The following CCSER1 variants were observed in gnomAD, a reference collection of about 807,000 sequenced individuals.
CCSER1 encodes serine-rich coiled-coil domain-containing protein 1.
A neutral mutation model predicts 82.0 loss-of-function variants in CCSER1; 41 were observed. That is an observed-to-expected ratio of 0.50 (90% CI 0.39 to 0.65). The LOEUF (loss-of-function observed/expected upper bound fraction) is 0.65, where lower values mean the gene tolerates loss of function less well. CCSER1 is among the 30% of genes least tolerant of loss of function. The pLI, the probability that CCSER1 is intolerant of heterozygous loss-of-function variation, is 0.00. For synonymous variants in CCSER1, 414 were observed against 383.9 expected, an observed-to-expected ratio of 1.08 and a Z score of -0.92; for missense variants, 1,119 against 1,064.2, an observed-to-expected ratio of 1.05 and a Z score of -0.72.
At chr4:90,167,022 ATCT>A (rs556150253) in intron 1 of CCSER1, among the ~76,000 whole-genome samples, 112 of 152,158 alleles carry the variant, frequency 7.4e-4, no homozygotes, top group African/African-American at 2.4e-3. Flanking sequence ...ATGTTATATC[ATCT>A]TCTTATGTGT....
intron 10 of CCSER1, among the ~76,000 whole-genome samples, chr4:91,340,098 C>CAG (rs964469893): frequency 1.3e-5 from 2 of 151,986 alleles, no homozygotes; most frequent in Non-Finnish European, 2.9e-5. Context: ...GCCTGGGCTA[C>CAG]AGAGAGAGAC....
intron 3 of CCSER1, among the ~76,000 whole-genome samples, chr4:90,368,677 C>T (rs1474675661): frequency 6.6e-6 from 1 of 151,710 alleles, no homozygotes; most frequent in Non-Finnish European, 1.5e-5. Flanking sequence ...CTCAATTAGG[C>T]CATTCCTGAT....
chr4:91,106,584 A>T (rs1420993095), intron 10 of CCSER1, among the ~76,000 whole-genome samples: 1 of 152,188 alleles, frequency 6.6e-6, no homozygotes. Flanking sequence ...CTCATCCAAG[A>T]CATGACTATA....
At chr4:91,465,464 T>C (rs970666927) in intron 10 of CCSER1, among the ~76,000 whole-genome samples, 1 of 151,662 alleles carries the variant, frequency 6.6e-6, no homozygotes, top group Non-Finnish European at 1.5e-5. Flanking sequence ...AGAGCAAACA[T>C]ATTCAAAAGC....
chr4:91,251,076 A>G (rs1048614563), intron 10 of CCSER1, among the ~76,000 whole-genome samples: 1 of 152,188 alleles, frequency 6.6e-6, no homozygotes, highest in African/African-American at 2.4e-5. Context: ...ATAGAGAGGA[A>G]GAACACTGAA....
Position 91,086,009 on chromosome 4 carries a change from A to G in CCSER1, c.2217+15A>G, listed in dbSNP as rs1418444290. The G allele has an allele frequency of 2.7e-6, 4 of 1,475,302 alleles. No homozygotes were observed. Among genetic ancestry groups the G allele is most frequent in the South Asian group, 2.4e-5 (2 of 82,298 alleles). The allele number at this position is 1,475,302 out of a possible 1,614,324, so 91.4% of individuals were successfully genotyped here. A position where few individuals can be genotyped will look rare whatever the true frequency, so the allele number is the denominator to read the frequency against. On this transcript the variant is annotated intron_variant, in intron 10 of 10. Transcript: ENST00000509176. ...GAGGGAGAGAGGTAAGAATGTTTAA[A>G]GAAGAGGGGTGGGAAAAAGAGGAAA... is the stretch of plus-strand genomic sequence containing the variant.
chr4:90,283,959 C>G (rs755808459), intron 1 of CCSER1, among the ~76,000 whole-genome samples: 23 of 151,956 alleles, frequency 1.5e-4, no homozygotes, highest in South Asian at 2.1e-4. Flanking sequence ...ATAAGGGTTC[C>G]CCTTTCTCCA....
intron 7 of CCSER1, among the ~76,000 whole-genome samples, chr4:90,788,077 A>G (rs1754756137): frequency 6.6e-6 from 1 of 152,320 alleles, no homozygotes; most frequent in Middle Eastern, 3.4e-3. Flanking sequence ...ATTATATTAG[A>G]AATCCTGATA....
At chr4:90,962,404 A>G (rs867924393) in intron 9 of CCSER1, among the ~76,000 whole-genome samples, 2 of 152,128 alleles carry the variant, frequency 1.3e-5, no homozygotes, top group Non-Finnish European at 2.9e-5. Flanking sequence ...TATACTATTT[A>G]AACATAGCAA....
chr4:90,788,735 G>A (rs1754852570), intron 7 of CCSER1, among the ~76,000 whole-genome samples: 1 of 152,096 alleles, frequency 6.6e-6, no homozygotes, highest in African/African-American at 2.4e-5. Flanking sequence ...AGGGGGCCGG[G>A]GAGAAACAAT....
chr4:91,519,012 G>A (rs1293092582), intron 10 of CCSER1, among the ~76,000 whole-genome samples: 6 of 152,234 alleles, frequency 3.9e-5, no homozygotes, highest in South Asian at 4.1e-4. Flanking sequence ...CCTGATGGTA[G>A]TTAGAGTGGT....
intron 6 of CCSER1, among the ~76,000 whole-genome samples, chr4:90,670,169 T>C (rs1273852531): frequency 2.0e-5 from 3 of 152,182 alleles, no homozygotes; most frequent in African/African-American, 4.8e-5. Context: ...AAGTCTCGAA[T>C]TGAATACTAA....
intron 6 of CCSER1, among the ~76,000 whole-genome samples, chr4:90,632,881 C>T (rs1446177790): frequency 6.6e-6 from 1 of 152,112 alleles, no homozygotes; most frequent in Non-Finnish European, 1.5e-5. Flanking sequence ...GGTCTTACTT[C>T]TAGTCTTCCC....
At chr4:90,528,691 A>G (rs1272804486) in intron 5 of CCSER1, among the ~76,000 whole-genome samples, 1 of 152,132 alleles carries the variant, frequency 6.6e-6, no homozygotes, top group Non-Finnish European at 1.5e-5. Context: ...AACCAGTGAC[A>G]TTTTTTTCTA....
intron 8 of CCSER1, among the ~76,000 whole-genome samples, chr4:90,916,104 G>C (rs1381815847): frequency 6.6e-6 from 1 of 152,104 alleles, no homozygotes; most frequent in African/African-American, 2.4e-5. Context: ...GTAATTTATA[G>C]ATTCAATGCC....
intron 5 of CCSER1, among the ~76,000 whole-genome samples, chr4:90,616,685 A>T (rs771834737): frequency 0.024 from 545 of 22,982 alleles, 1 homozygote; most frequent in Non-Finnish European, 0.032. Flanking sequence ...GCTCTGTCTC[A>T]CACACACACA....
At chr4:91,256,154 T>G (rs1415635683) in intron 10 of CCSER1, among the ~76,000 whole-genome samples, 2 of 152,090 alleles carry the variant, frequency 1.3e-5, no homozygotes, top group Non-Finnish European at 2.9e-5. Flanking sequence ...GGGGGCCCTC[T>G]AAAATGGCCG....
intron 10 of CCSER1, among the ~76,000 whole-genome samples, chr4:91,151,973 G>A (rs1354872046): frequency 1.3e-5 from 2 of 152,196 alleles, no homozygotes; most frequent in African/African-American, 4.8e-5. Flanking sequence ...GGAGAGTTCT[G>A]TAGATGTCTA....
intron 1 of CCSER1, among the ~76,000 whole-genome samples, chr4:90,216,038 A>G (rs937245101): frequency 6.6e-6 from 1 of 152,046 alleles, no homozygotes; most frequent in Non-Finnish European, 1.5e-5. Context: ...AAAATTTGTC[A>G]CTCTTTATCC....
Sources: gnomAD v4.1 joint callset for allele counts (sites outside exome capture counted in the v4.1 genomes callset) on GRCh38, gnomAD v4.1.1 for gene constraint, MANE v1.5 for transcripts, NCBI Gene and HGNC (gene_info 2026-07-23, HGNC 2026-07-21) for gene names.